Variants in ZNF469 observed in about 807,000 individuals in gnomAD.
The protein encoded by ZNF469 is zinc finger protein 469.
In ZNF469, 1 loss-of-function variant was observed where a neutral mutation model predicts 1.0. The observed-to-expected ratio is 1.00, with a 90% CI of 0.35 to 4.73. The LOEUF is 4.73. ZNF469 is among the 30% of genes most tolerant of loss of function. The pLI, the probability that ZNF469 is intolerant of heterozygous loss-of-function variation, is 0.16. For missense variants in ZNF469, 6,100 were observed against 5,356.3 expected (o/e 1.14, Z -4.33); for synonymous variants, 2,703 against 2,363.4 (o/e 1.14, Z -4.17).
chr16:88,228,780 T>G, the ZNF469 span, among the ~76,000 whole-genome samples: 1 of 152,164 alleles, frequency 6.6e-6, no homozygotes, highest in East Asian at 1.9e-4. Context: ...GGAAAACAAT[T>G]TTCATACAAC....
At chr16:88,113,464 G>A in the ZNF469 span, among the ~76,000 whole-genome samples, 5 of 152,184 alleles carry the variant, frequency 3.3e-5, no homozygotes, top group African/African-American at 9.7e-5. Flanking sequence ...GGCTTCTGGC[G>A]CTTTGACACC....
chr16:88,292,819 A>AAT, the ZNF469 span, among the ~76,000 whole-genome samples: 1 of 147,854 alleles, frequency 6.8e-6, no homozygotes, highest in Non-Finnish European at 1.5e-5. Flanking sequence ...AAAAAAAAAA[A>AAT]CCTCTAACAG....
At chr16:88,373,029 T>A in the ZNF469 span, among the ~76,000 whole-genome samples, 1 of 152,242 alleles carries the variant, frequency 6.6e-6, no homozygotes, top group African/African-American at 2.4e-5. Flanking sequence ...ATCGCCATCA[T>A]CCTCTTCATC....
At chr16:88,325,672 G>A in the ZNF469 span, among the ~76,000 whole-genome samples, 1 of 152,226 alleles carries the variant, frequency 6.6e-6, no homozygotes, top group Non-Finnish European at 1.5e-5. Flanking sequence ...TGGCCTGTGA[G>A]ACCCCCTAAG....
the ZNF469 span, among the ~76,000 whole-genome samples, chr16:88,261,086 C>T: frequency 1.3e-5 from 2 of 151,978 alleles, no homozygotes; most frequent in East Asian, 3.9e-4. This position sits in a 1 kb window ranked among gnomAD's most constrained non-coding sequence, Gnocchi z 6.0. Flanking sequence ...AGCTGGGATG[C>T]GGTCCGGAGA....
At chr16:88,372,620 C>T in the ZNF469 span, among the ~76,000 whole-genome samples, 1 of 151,664 alleles carries the variant, frequency 6.6e-6, no homozygotes. Context: ...TGATCTTTGT[C>T]ATCTTCACCA....
At chr16:88,127,684 G>C in the ZNF469 span, among the ~76,000 whole-genome samples, 5 of 152,204 alleles carry the variant, frequency 3.3e-5, no homozygotes, top group Non-Finnish European at 7.3e-5. Flanking sequence ...TCTACCTTGG[G>C]AGCCGCTGTG....
intron 1 of ZNF469, among the ~76,000 whole-genome samples, chr16:88,384,884 C>A (rs1345645776): frequency 4.6e-5 from 7 of 152,108 alleles, no homozygotes; most frequent in Non-Finnish European, 1.0e-4. Flanking sequence ...TTGGATACCT[C>A]CAGTGACCGG....
the ZNF469 span, among the ~76,000 whole-genome samples, chr16:88,114,199 C>G: frequency 6.8e-6 from 1 of 147,628 alleles, no homozygotes; most frequent in East Asian, 2.0e-4. Context: ...AGGGACCATA[C>G]TCACTCACTG....
chr16:88,294,600 G>A, the ZNF469 span: 3 of 152,240 alleles, frequency 2.0e-5, no homozygotes, highest in East Asian at 1.9e-4. Context: ...CTTTTTCCAC[G>A]TGGAAATTGC....
upstream of ZNF469, among the ~76,000 whole-genome samples, chr16:88,378,910 G>A (rs903871157): frequency 1.3e-5 from 2 of 152,256 alleles, no homozygotes; most frequent in Admixed American, 1.3e-4. Flanking sequence ...TCTCTCGAGA[G>A]CCCATCTGGG....
chr16:88,200,444 G>C, the ZNF469 span, among the ~76,000 whole-genome samples: 1,630 of 152,352 alleles, frequency 0.011, 39 homozygotes, highest in African/African-American at 0.036. Flanking sequence ...CACCTGCCCC[G>C]TGGCCAGCAA....
the ZNF469 span, among the ~76,000 whole-genome samples, chr16:88,249,913 C>G: frequency 5.3e-5 from 8 of 152,252 alleles, no homozygotes; most frequent in Non-Finnish European, 1.0e-4. Context: ...CCCAAGGCCC[C>G]TGTGCCAAGT....
At chr16:88,375,518 T>G in the ZNF469 span, among the ~76,000 whole-genome samples, 1 of 152,254 alleles carries the variant, frequency 6.6e-6, no homozygotes, top group African/African-American at 2.4e-5. Flanking sequence ...TGGCTACTGG[T>G]ACCATTGCCA....
At chr16:88,344,398 C>A in the ZNF469 span, among the ~76,000 whole-genome samples, 1 of 152,214 alleles carries the variant, frequency 6.6e-6, no homozygotes, top group Non-Finnish European at 1.5e-5. Context: ...CACAAACTCT[C>A]CATGCTGTCT....
At chr16:88,171,272 T>C in the ZNF469 span, among the ~76,000 whole-genome samples, 1 of 152,354 alleles carries the variant, frequency 6.6e-6, no homozygotes, top group South Asian at 2.1e-4. Flanking sequence ...CCCCAGGTAG[T>C]GGTGGCCCAT....
chr16:88,289,489 C>T, the ZNF469 span, among the ~76,000 whole-genome samples: 9 of 152,186 alleles, frequency 5.9e-5, no homozygotes, highest in Non-Finnish European at 1.3e-4. Flanking sequence ...TCTGTGACTG[C>T]GAGTTATTGA....
the ZNF469 span, among the ~76,000 whole-genome samples, chr16:88,152,189 T>C: frequency 6.6e-6 from 1 of 152,224 alleles, no homozygotes; most frequent in Non-Finnish European, 1.5e-5. The surrounding 1 kb of genome is among the most constrained non-coding windows in gnomAD (Gnocchi z 4.2). Flanking sequence ...AAGGAAGATT[T>C]CATTTTAAAT....
the ZNF469 span, among the ~76,000 whole-genome samples, chr16:88,368,118 T>C: frequency 6.6e-6 from 1 of 152,210 alleles, no homozygotes; most frequent in Non-Finnish European, 1.5e-5. Flanking sequence ...ATATCAAACA[T>C]AAACAAGCCT....
Sources: allele counts gnomAD v4.1 joint callset (sites outside exome capture counted in the v4.1 genomes callset), GRCh38; gene constraint gnomAD v4.1.1; non-coding constraint Gnocchi (gnomAD v3.1); transcripts MANE v1.5; gene names NCBI Gene and HGNC (gene_info 2026-07-23, HGNC 2026-07-21).